Variants in ATP1A1 observed in about 807,000 individuals in gnomAD.
The protein encoded by ATP1A1 is ATPase Na+/K+ transporting subunit alpha 1.
A neutral mutation model predicts 114.8 loss-of-function variants in ATP1A1; 14 were observed. The observed-to-expected ratio is 0.12, with a 90% CI of 0.08 to 0.19. The LOEUF (loss-of-function observed/expected upper bound fraction) is 0.19, where lower values mean the gene tolerates loss of function less well. ATP1A1 is among the 10% of genes least tolerant of loss of function. The probability of loss-of-function intolerance (pLI) is 1.00; values close to 1 mark genes in which losing one functional copy is unlikely to be tolerated. For missense variants in ATP1A1, 524 were observed against 1,290.7 expected (o/e 0.41, Z 9.10); for synonymous variants, 471 against 466.3 (o/e 1.01, Z -0.13).
At position 116,393,097 on chromosome 1, in the gene ATP1A1, T is replaced by G; in HGVS notation, c.1467+109T>G. The G allele has an allele frequency of 6.8e-7, 1 of 1,477,512 alleles. No individual in the cohort carries two copies. Among genetic ancestry groups the G allele is most frequent in the Non-Finnish European group, 9.1e-7 (1 of 1,103,124 alleles). 91.5% of individuals were successfully genotyped at this position (1,477,512 alleles called of 1,614,324 possible). Reference sequence around the variant, plus strand: ...TCTCCCTTTGGAGTTTTATAAGCTTTAGCTTTAAATTTTGCCCTTGATTAC... The same window carrying G: ...TCTCCCTTTGGAGTTTTATAAGCTTGAGCTTTAAATTTTGCCCTTGATTAC... On this transcript the variant is annotated intron_variant, in intron 11 of 22. Coordinates refer to ENST00000295598, the MANE Select transcript of ATP1A1 (RefSeq NM_000701.8). This position sits in a 1 kb window ranked among gnomAD's most constrained non-coding sequence, Gnocchi z 5.0.
chr1:116,390,492 T>TA, intron 9 of ATP1A1, 81 bp downstream of exon 9: 10 of 1,418,168 alleles, frequency 7.1e-6, no homozygotes, highest in Non-Finnish European at 9.6e-6. Flanking sequence ...GCATGAAATT[T>TA]CTTTTTTTTT....
intron 21 of ATP1A1, among the ~76,000 whole-genome samples, chr1:116,402,677 C>A (rs908188994): frequency 2.0e-5 from 3 of 152,230 alleles, no homozygotes; most frequent in African/African-American, 4.8e-5. Flanking sequence ...CTTTCTTCCT[C>A]TGCCTTTGTG....
Position 116,388,220 on chromosome 1 carries a change from A to C in ATP1A1, c.477A>C (p.Glu159Asp). 1 of 1,613,774 alleles carries C rather than the reference A, an allele frequency of 6.2e-7. No homozygotes were observed. Reference protein sequence around the residue: ...YQEAKSSKIMESFKNMVPQQA... With the variant: ...YQEAKSSKIMDSFKNMVPQQA... Reference sequence around the variant, plus strand: ...AAGCTAAAAGTTCAAAGATCATGGAATCCTTCAAAAACATGGTCCCTCAGG... The same window carrying C: ...AAGCTAAAAGTTCAAAGATCATGGACTCCTTCAAAAACATGGTCCCTCAGG... Residue 159 changes from glutamate (E) to aspartate (D), a missense_variant, in exon 5 of 23, where the codon GAA (glutamate) becomes GAC (aspartate). Around this residue, in one of 8 missense-constraint regions of ATP1A1, gnomAD observed 141 missense variants for 316.6 expected, o/e 0.45. Transcript: ENST00000295598. This position sits in a 1 kb window ranked among gnomAD's most constrained non-coding sequence, Gnocchi z 5.6.
rs780464509 is a variant in ATP1A1 at position 116,395,205 on chromosome 1, G to A, written c.1756G>A (p.Val586Ile). 3 of 1,614,178 alleles carry A rather than the reference G, an allele frequency of 1.9e-6. No individual in the cohort carries two copies. The stretch of plus-strand genomic sequence containing the variant: ...TTTCCCTATCGATAATCTGTGCTTT[G>A]TTGGGCTCATCTCCATGATTGACCC... ...VNFPIDNLCF[V>I]GLISMIDPPR... The change falls in exon 13 of 23, where the codon GTT (valine) becomes ATT (isoleucine). Residue 586 changes from valine (V) to isoleucine (I), a missense_variant. This residue lies in a region of ATP1A1 where 143 missense variants were observed against 259.3 expected (regional missense o/e 0.55). Coordinates refer to ENST00000295598, the MANE Select transcript of ATP1A1 (RefSeq NM_000701.8). This position sits in a 1 kb window ranked among gnomAD's most constrained non-coding sequence, Gnocchi z 6.4.
chr1:116,401,403 A>C lies in ATP1A1; in HGVS notation c.2849+143A>C, dbSNP rs1653467299. On this transcript the variant is annotated intron_variant, in intron 20 of 22. Transcript: ENST00000295598. This position sits in a 1 kb window ranked among gnomAD's most constrained non-coding sequence, Gnocchi z 4.7. ...TTATAGAGCAAATTTAGGAAGCAAG[A>C]AATGTAGCTTTCTAGTTTTTTCATC... 2 of 1,487,142 alleles carry C rather than the reference A, an allele frequency of 1.3e-6. No homozygotes were observed. Among genetic ancestry groups the C allele is most frequent in the Non-Finnish European group, 9.1e-7 (1 of 1,095,434 alleles). The allele number at this position is 1,487,142 out of a possible 1,614,324, so 92.1% of individuals were successfully genotyped here. A position where few individuals can be genotyped will look rare whatever the true frequency, so the allele number is the denominator to read the frequency against.
Position 116,398,502 on chromosome 1 carries a change from T to G in ATP1A1, c.2125-119T>G. On this transcript the variant is annotated intron_variant, in intron 15 of 22. Transcript: ENST00000295598. This position sits in a 1 kb window ranked among gnomAD's most constrained non-coding sequence, Gnocchi z 6.1. The stretch of plus-strand genomic sequence containing the variant: ...TGTGACGGTTCTCAGGCTTCATAAA[T>G]AGTCTCAATAGGAAAGGAGCAGTGT... The G allele has an allele frequency of 7.8e-7, 1 of 1,279,080 alleles. No homozygotes were observed. The highest frequency in any genetic ancestry group is 1.4e-5 in the South Asian group (1 of 69,104). 79.2% of individuals were successfully genotyped at this position (1,279,080 alleles called of 1,614,324 possible).
rs993188975 is a variant in ATP1A1 at position 116,398,483 on chromosome 1, G to A, written c.2125-138G>A. The A allele has an allele frequency of 1.9e-5, 21 of 1,101,882 alleles. No individual in the cohort carries two copies. The highest frequency in any genetic ancestry group is 3.1e-5 in the African/African-American group (2 of 63,860). 68.3% of individuals were successfully genotyped at this position (1,101,882 alleles called of 1,614,324 possible). A position where few individuals can be genotyped will look rare whatever the true frequency, so the allele number is the denominator to read the frequency against. On this transcript the variant is annotated intron_variant, in intron 15 of 22. Coordinates refer to ENST00000295598, the MANE Select transcript of ATP1A1 (RefSeq NM_000701.8). The surrounding 1 kb of genome is among the most constrained non-coding windows in gnomAD (Gnocchi z 6.1). The stretch of plus-strand genomic sequence containing the variant: ...GCCTGTGTGAATACTTGCCTGTGAC[G>A]GTTCTCAGGCTTCATAAATAGTCTC...
chr1:116,403,094 AC>A (rs1653650472), intron 21 of ATP1A1, among the ~76,000 whole-genome samples: 1 of 152,170 alleles, frequency 6.6e-6, no homozygotes, highest in Admixed American at 6.5e-5. Context: ...TTTTTTTGCC[AC>A]CACCAAAGAG....
chr1:116,378,901 G>GAAT (rs1651549571), intron 1 of ATP1A1, among the ~76,000 whole-genome samples: 1 of 152,174 alleles, frequency 6.6e-6, no homozygotes. Flanking sequence ...GGGAGTTAAG[G>GAAT]AATAAGTAGA....
chr1:116,402,143 A>G (rs1438819132), intron 21 of ATP1A1: 2 of 156,150 alleles, frequency 1.3e-5, no homozygotes, highest in Admixed American at 6.3e-5. Context: ...CTTTATAATC[A>G]GTCATGGGTA....
Position 116,404,532 on chromosome 1 carries a change from T to G in ATP1A1, c.*88T>G. 1 of 1,516,244 alleles carries G rather than the reference T, an allele frequency of 6.6e-7. No homozygotes were observed. The highest frequency in any genetic ancestry group is 1.4e-5 in the African/African-American group (1 of 69,880). The allele number at this position is 1,516,244 out of a possible 1,614,324, so 93.9% of individuals were successfully genotyped here. ...CTTTGTGTACTTCAGTCTTGGAGTT[T>G]GGAACTCTACCCTGGTAGGAAAGCA... On this transcript the variant is annotated 3_prime_UTR_variant, in exon 23 of 23. Transcript: ENST00000295598. The surrounding 1 kb of genome is among the most constrained non-coding windows in gnomAD (Gnocchi z 4.8).
intron 1 of ATP1A1, chr1:116,373,971 G>A: frequency 2.9e-6 from 4 of 1,376,740 alleles, no homozygotes; most frequent in Non-Finnish European, 3.7e-6. Context: ...CGCCCTCCGT[G>A]CCCTGAGGAA....
chr1:116,394,882 T>C (rs778885255), intron 12 of ATP1A1, among the ~76,000 whole-genome samples: 3 of 152,226 alleles, frequency 2.0e-5, no homozygotes, highest in Admixed American at 2.0e-4. Context: ...TCCAATTCCT[T>C]TGAGGCCTGG....
At position 116,374,348 on chromosome 1, in the gene ATP1A1, G is replaced by C. The variant is rs1157155420; in HGVS notation, c.12+825G>C. 4.7e-5 allele frequency: 71 copies of C among 1,511,154 alleles called. No homozygotes were observed. In the East Asian group the frequency reaches 1.7e-3, roughly 37 times the overall value. The allele number at this position is 1,511,154 out of a possible 1,614,324, so 93.6% of individuals were successfully genotyped here. Reference sequence around the variant, plus strand: ...GGGGAGAGGCGTGCAGATTTTTTTTGAAGGGACGAGCCCTGAAGGAGGATA... The same window carrying C: ...GGGGAGAGGCGTGCAGATTTTTTTTCAAGGGACGAGCCCTGAAGGAGGATA... On this transcript the variant is annotated intron_variant, in intron 1 of 22. Coordinates refer to ENST00000295598, the MANE Select transcript of ATP1A1 (RefSeq NM_000701.8).
chr1:116,373,505 C>A lies in ATP1A1; in HGVS notation c.-7C>A, dbSNP rs758187423. ...GGACCCGGCGCCGGGCACTGAGCAC[C>A]GCCACCATGGGGAAGGGGGTGAGTG... On this transcript the variant is annotated 5_prime_UTR_variant, in exon 1 of 23. Transcript: ENST00000295598. The A allele has an allele frequency of 6.6e-6, 10 of 1,506,092 alleles. No individual in the cohort carries two copies. The highest frequency in any genetic ancestry group is 8.9e-6 in the Non-Finnish European group (10 of 1,128,200). The allele number at this position is 1,506,092 out of a possible 1,614,324, so 93.3% of individuals were successfully genotyped here. A position where few individuals can be genotyped will look rare whatever the true frequency, so the allele number is the denominator to read the frequency against.
In ATP1A1 at chr1:116,397,734, G is replaced by C. The variant is rs1335350442; in HGVS notation, c.1974-154G>C. ...ATGAAAATGCTCTGTAACCTGTAAA[G>C]TACTGAACACTTAATAGCTTTTATG... On this transcript the variant is annotated intron_variant, in intron 14 of 22. Transcript: ENST00000295598. The surrounding 1 kb of genome is among the most constrained non-coding windows in gnomAD (Gnocchi z 4.2). Among the ~76,000 whole-genome samples the C allele has an allele frequency of 6.6e-6, 1 of 152,194 alleles. No homozygotes were observed. Among genetic ancestry groups the C allele is most frequent in the Non-Finnish European group, 1.5e-5 (1 of 68,042 alleles).
chr1:116,388,551 G>A lies in ATP1A1; in HGVS notation c.502-87G>A, dbSNP rs1487940621. 6.8e-7 allele frequency: 1 copy of A among 1,476,764 alleles called. No individual in the cohort carries two copies. The highest frequency in any genetic ancestry group is 9.2e-7 in the Non-Finnish European group (1 of 1,089,512). 91.5% of individuals were successfully genotyped at this position (1,476,764 alleles called of 1,614,324 possible). On this transcript the variant is annotated intron_variant, in intron 5 of 22. Coordinates refer to ENST00000295598, the MANE Select transcript of ATP1A1 (RefSeq NM_000701.8). The surrounding 1 kb of genome is among the most constrained non-coding windows in gnomAD (Gnocchi z 5.6). ...TCTTTGTTTTGTATTCAGGTAATTA[G>A]GATTATGACTATTTTTATTTTCTTG...
Position 116,388,509 on chromosome 1 carries a change from TAAA to T in ATP1A1, c.502-125_502-123del, listed in dbSNP as rs1291099350. 2.5e-5 allele frequency: 33 copies of T among 1,335,080 alleles called. No homozygotes were observed. In the East Asian group the frequency reaches 6.7e-4, roughly 27 times the overall value. The allele number at this position is 1,335,080 out of a possible 1,614,324, so 82.7% of individuals were successfully genotyped here. A position where few individuals can be genotyped will look rare whatever the true frequency, so the allele number is the denominator to read the frequency against. On this transcript the variant is annotated intron_variant, in intron 5 of 22. Coordinates refer to ENST00000295598, the MANE Select transcript of ATP1A1 (RefSeq NM_000701.8). The surrounding 1 kb of genome is among the most constrained non-coding windows in gnomAD (Gnocchi z 5.6). ...AGCAAGCTTTTGTAACTTGTGTAAA[TAAA>T]AAAGTGAATAATATCTTTGTTTTGT... is the stretch of plus-strand genomic sequence containing the variant.
chr1:116,398,161 T>A lies in ATP1A1; in HGVS notation c.2124+123T>A, dbSNP rs1018609791. 1 of 1,332,664 alleles carries A rather than the reference T, an allele frequency of 7.5e-7. No homozygotes were observed. Among genetic ancestry groups the A allele is most frequent in the African/African-American group, 1.5e-5 (1 of 67,736 alleles). 82.6% of individuals were successfully genotyped at this position (1,332,664 alleles called of 1,614,324 possible). Reference sequence around the variant, plus strand: ...CTCGCTGTATTAGACTCAGTATAAATAGGCCAGTAGGAAGCTCATAGGCAT... The same window carrying A: ...CTCGCTGTATTAGACTCAGTATAAAAAGGCCAGTAGGAAGCTCATAGGCAT... On this transcript the variant is annotated intron_variant, in intron 15 of 22. Transcript: ENST00000295598. The surrounding 1 kb of genome is among the most constrained non-coding windows in gnomAD (Gnocchi z 6.1).
Sources: gnomAD v4.1 joint callset for allele counts (sites outside exome capture counted in the v4.1 genomes callset) on GRCh38, gnomAD v4.1.1 for gene constraint, gnomAD v4.1.1 regional missense constraint, Gnocchi (gnomAD v3.1) non-coding constraint, MANE v1.5 for transcripts, NCBI Gene and HGNC (gene_info 2026-07-23, HGNC 2026-07-21) for gene names.